Variants in AKAP6 observed in about 807,000 individuals in gnomAD.
The protein encoded by AKAP6 is A-kinase anchor protein 6.
Under a neutral mutation model 188.5 loss-of-function variants are expected in AKAP6, and 58 were observed. The ratio of observed to expected loss-of-function variants is 0.31; its 90% CI spans 0.25 to 0.38. The LOEUF (loss-of-function observed/expected upper bound fraction) is 0.38, where lower values mean the gene tolerates loss of function less well. Ranked by LOEUF, AKAP6 falls within the 10% of genes least tolerant of loss-of-function variation. The pLI, the probability that AKAP6 is intolerant of heterozygous loss-of-function variation, is 1.00. For synonymous variants in AKAP6, 989 were observed against 998.6 expected (o/e 0.99, Z 0.18); for missense variants, 2,710 against 2,740.0 (o/e 0.99, Z 0.24).
At chr14:32,469,553 A>C (rs1878653688) in intron 2 of AKAP6, among the ~76,000 whole-genome samples, 1 of 152,178 alleles carries the variant, frequency 6.6e-6, no homozygotes, top group Non-Finnish European at 1.5e-5. Flanking sequence ...TTGAATGCTG[A>C]CAAGAAAAGT....
chr14:32,459,005 A>C (rs531100266), intron 2 of AKAP6, among the ~76,000 whole-genome samples: 1 of 152,312 alleles, frequency 6.6e-6, no homozygotes, highest in South Asian at 2.1e-4. Flanking sequence ...ATTGGTGAAA[A>C]GATAGAGAAA....
At chr14:32,683,283 C>G (rs997049855) in intron 8 of AKAP6, among the ~76,000 whole-genome samples, 2 of 152,026 alleles carry the variant, frequency 1.3e-5, no homozygotes, top group Non-Finnish European at 2.9e-5. Flanking sequence ...AGTGAGCCAC[C>G]GCACCCAGCC....
At chr14:32,558,226 A>G (rs1284395584) in intron 4 of AKAP6, among the ~76,000 whole-genome samples, 1 of 152,238 alleles carries the variant, frequency 6.6e-6, no homozygotes, top group Non-Finnish European at 1.5e-5. Context: ...AACAAAAAGT[A>G]TAGAAGTTTA....
intron 7 of AKAP6, among the ~76,000 whole-genome samples, chr14:32,618,129 G>A (rs1434812539): frequency 6.6e-6 from 1 of 151,924 alleles, no homozygotes; most frequent in Non-Finnish European, 1.5e-5. Flanking sequence ...GCCTAAAAAA[G>A]AAAGAAAAAC....
At chr14:32,552,816 C>G (rs1883534415) in intron 4 of AKAP6, among the ~76,000 whole-genome samples, 1 of 152,130 alleles carries the variant, frequency 6.6e-6, no homozygotes, top group African/African-American at 2.4e-5. Flanking sequence ...TGTGGACACA[C>G]TGAGAAAGAA....
At chr14:32,471,422 T>C (rs1236604244) in intron 2 of AKAP6, among the ~76,000 whole-genome samples, 1 of 152,160 alleles carries the variant, frequency 6.6e-6, no homozygotes, top group African/African-American at 2.4e-5. Context: ...TAATAAGAAA[T>C]TGTGGACCAA....
intron 4 of AKAP6, among the ~76,000 whole-genome samples, chr14:32,547,745 G>A (rs1336901508): frequency 6.6e-6 from 1 of 152,028 alleles, no homozygotes; most frequent in Non-Finnish European, 1.5e-5. Flanking sequence ...TCAGGAGGCT[G>A]AGGCAGGAGG....
chr14:32,764,829 G>A (rs182441398), intron 11 of AKAP6, among the ~76,000 whole-genome samples: 1 of 151,942 alleles, frequency 6.6e-6, no homozygotes, highest in African/African-American at 2.4e-5. Context: ...GGTCATTACT[G>A]CTGGAGATTA....
intron 2 of AKAP6, among the ~76,000 whole-genome samples, chr14:32,518,597 G>C (rs1182145787): frequency 6.6e-6 from 1 of 152,144 alleles, no homozygotes; most frequent in African/African-American, 2.4e-5. Context: ...GGGTATCAGT[G>C]ATTGAAGATC....
intron 4 of AKAP6, among the ~76,000 whole-genome samples, chr14:32,566,657 C>T (rs1336916993): frequency 1.3e-5 from 2 of 151,912 alleles, no homozygotes; most frequent in Non-Finnish European, 2.9e-5. Flanking sequence ...GGAGTTCGAA[C>T]AAAAAAAGGC....
At chr14:32,375,264 C>G (rs777009931) in intron 1 of AKAP6, among the ~76,000 whole-genome samples, 6 of 152,026 alleles carry the variant, frequency 3.9e-5, no homozygotes, top group Non-Finnish European at 7.4e-5. Flanking sequence ...GATAATGGGA[C>G]ACATAATACA....
chr14:32,441,168 A>G (rs536712769), intron 2 of AKAP6, among the ~76,000 whole-genome samples: 6 of 152,212 alleles, frequency 3.9e-5, no homozygotes, highest in African/African-American at 1.4e-4. Context: ...GTGTTTTGTT[A>G]TAGTAGTCTG....
At chr14:32,729,833 A>G (rs2031084818) in intron 9 of AKAP6, among the ~76,000 whole-genome samples, 2 of 152,182 alleles carry the variant, frequency 1.3e-5, no homozygotes, top group Non-Finnish European at 2.9e-5. Flanking sequence ...CCTATTGAAG[A>G]GTAGTCTATA....
At chr14:32,632,457 T>C (rs1176730233) in intron 7 of AKAP6, among the ~76,000 whole-genome samples, 1 of 152,090 alleles carries the variant, frequency 6.6e-6, no homozygotes, top group East Asian at 1.9e-4. Context: ...AAATATTTTG[T>C]AGGATTGCAA....
In AKAP6 at chr14:32,546,944, T is replaced by C; in HGVS notation, c.2291T>C (p.Leu764Pro). Reference sequence around the variant, plus strand: ...ACTAAATCAGCTTTAATTCAGAAACTGATGCAAGATATTCAGCACCAAGAC... The same window carrying C: ...ACTAAATCAGCTTTAATTCAGAAACCGATGCAAGATATTCAGCACCAAGAC... ...SATKSALIQKLMQDIQHQDNY... is the reference protein window; with the variant it reads ...SATKSALIQKPMQDIQHQDNY... The change falls in exon 4 of 14, where the codon CTG becomes CCG. Residue 764 changes from leucine to proline, a missense_variant. By Grantham distance (98) the Leu-to-Pro change is moderately conservative. Transcript: ENST00000280979. The C allele has an allele frequency of 5.0e-6, 8 of 1,610,718 alleles. No individual in the cohort carries two copies. Among genetic ancestry groups the C allele is most frequent in the Non-Finnish European group, 6.8e-6 (8 of 1,179,922 alleles).
At chr14:32,613,195 ACACT>A (rs1197660041) in intron 7 of AKAP6, among the ~76,000 whole-genome samples, 2 of 152,188 alleles carry the variant, frequency 1.3e-5, no homozygotes, top group Admixed American at 6.5e-5. Flanking sequence ...ACAAACACAA[ACACT>A]CAGGCATTTA....
At chr14:32,503,220 G>A (rs8018503) in intron 2 of AKAP6, among the ~76,000 whole-genome samples, 121,322 of 152,002 alleles carry the variant, frequency 0.8, 49,137 homozygotes, top group African/African-American at 0.92. Context: ...GATCATTTGT[G>A]TTACTTGTTC....
intron 3 of AKAP6, among the ~76,000 whole-genome samples, chr14:32,544,204 T>A (rs1883084671): frequency 6.6e-6 from 1 of 152,180 alleles, no homozygotes; most frequent in Admixed American, 6.5e-5. Flanking sequence ...AAAGGAGATC[T>A]GGGGATGTAA....
At chr14:32,793,103 GA>G (rs1269454336) in intron 12 of AKAP6, among the ~76,000 whole-genome samples, 30 of 152,138 alleles carry the variant, frequency 2.0e-4, no homozygotes, top group Admixed American at 2.0e-3. Flanking sequence ...GTGACATTAT[GA>G]AGCAACCACA....
Sources: allele counts gnomAD v4.1 joint callset (sites outside exome capture counted in the v4.1 genomes callset), GRCh38; gene constraint gnomAD v4.1.1; transcripts MANE v1.5; gene names NCBI Gene and HGNC (gene_info 2026-07-23, HGNC 2026-07-21).